RNF150: variants seen among roughly 807,000 people sequenced by gnomAD.
The protein encoded by RNF150 is ring finger protein 150.
RNF150 carries 24 observed loss-of-function variants against 39.3 expected under a neutral mutation model. That is an observed-to-expected ratio of 0.61 (90% CI 0.44 to 0.86). The LOEUF (loss-of-function observed/expected upper bound fraction) is 0.86. Among genes scored for constraint, RNF150 ranks in the 40% least tolerant of loss-of-function variants. The pLI is 0.00. For missense variants in RNF150, 502 were observed against 587.8 expected (o/e 0.85, Z 1.51); for synonymous variants, 255 against 227.3 (o/e 1.12, Z -1.10).
intron 1 of RNF150, among the ~76,000 whole-genome samples, chr4:141,054,677 A>G (rs559782918): frequency 5.3e-4 from 81 of 152,244 alleles, no homozygotes; most frequent in African/African-American, 1.8e-3. Flanking sequence ...GCTGATGGTA[A>G]AGACATAAAT....
chr4:140,964,059 T>C (rs1184408716), intron 2 of RNF150, among the ~76,000 whole-genome samples: 1 of 152,148 alleles, frequency 6.6e-6, no homozygotes, highest in Non-Finnish European at 1.5e-5. Context: ...TAGTTTATTC[T>C]GGAGATTCCA....
In RNF150 at chr4:140,863,977, T is replaced by C. The variant is rs1267077452; in HGVS notation, c.*4284A>G. On this transcript the variant is annotated 3_prime_UTR_variant, in exon 7 of 7. Transcript: ENST00000515673. ...TAGATCACTGGCATTGATTTGGTTT[T>C]GAGAGTATGGTAGCCTCAGGGATGT... The C allele has an allele frequency of 6.6e-6, 1 of 152,226 alleles. No individual in the cohort carries two copies. The highest frequency in any genetic ancestry group is 2.4e-5 in the African/African-American group (1 of 41,464). The allele number at this position is 152,226 out of a possible 1,614,324, so 9.4% of individuals were successfully genotyped here.
intron 1 of RNF150, among the ~76,000 whole-genome samples, chr4:140,995,175 A>G (rs987492580): frequency 6.6e-6 from 1 of 152,056 alleles, no homozygotes; most frequent in Non-Finnish European, 1.5e-5. Flanking sequence ...TCTACTCTCT[A>G]TCTATGATAA....
intron 1 of RNF150, among the ~76,000 whole-genome samples, chr4:141,032,970 AG>A (rs1217311877): frequency 6.6e-6 from 1 of 152,178 alleles, no homozygotes; most frequent in Non-Finnish European, 1.5e-5. Flanking sequence ...CTTGATGTTG[AG>A]GGCTGCCGAC....
chr4:141,188,228 A>T (rs1027598767), intron 1 of RNF150, among the ~76,000 whole-genome samples: 1 of 152,146 alleles, frequency 6.6e-6, no homozygotes, highest in Admixed American at 6.5e-5. Flanking sequence ...TGTGAGTCTG[A>T]TGGGCTTCCC....
At chr4:140,962,065 T>TTCTCTC (rs70946717) in intron 2 of RNF150, among the ~76,000 whole-genome samples, 17 of 149,188 alleles carry the variant, frequency 1.1e-4, no homozygotes, top group South Asian at 6.4e-4. Flanking sequence ...TCTCTCTCTC[T>TTCTCTC]TCTCTCTCTC....
chr4:141,175,567 T>C (rs1177677007), intron 1 of RNF150, among the ~76,000 whole-genome samples: 1 of 152,188 alleles, frequency 6.6e-6, no homozygotes, highest in Non-Finnish European at 1.5e-5. Context: ...TGCTGGGGTC[T>C]AAGAGGGCCT....
At chr4:141,028,013 T>C (rs1221450356) in intron 1 of RNF150, among the ~76,000 whole-genome samples, 1 of 131,236 alleles carries the variant, frequency 7.6e-6, no homozygotes, top group African/African-American at 2.8e-5. Context: ...AACTTAAAGC[T>C]AGGATATAGC....
At chr4:141,101,264 T>C (rs1222020462) in intron 1 of RNF150, among the ~76,000 whole-genome samples, 1 of 152,234 alleles carries the variant, frequency 6.6e-6, no homozygotes, top group Non-Finnish European at 1.5e-5. Context: ...AAAAATATTT[T>C]CTTAATATCC....
chr4:140,939,499 T>A (rs1264081671), intron 4 of RNF150, among the ~76,000 whole-genome samples: 1 of 152,100 alleles, frequency 6.6e-6, no homozygotes, highest in African/African-American at 2.4e-5. Flanking sequence ...GTTATCTATT[T>A]AGAATGGAGC....
intron 1 of RNF150, among the ~76,000 whole-genome samples, chr4:140,982,822 G>A (rs1256399980): frequency 3.3e-5 from 5 of 152,070 alleles, no homozygotes; most frequent in African/African-American, 4.8e-5. Flanking sequence ...ACATCCCAGC[G>A]GTGATTCTGT....
chr4:140,882,577 CAT>C (rs1195266235), intron 6 of RNF150, among the ~76,000 whole-genome samples: 1 of 152,042 alleles, frequency 6.6e-6, no homozygotes, highest in Non-Finnish European at 1.5e-5. Context: ...AAATTCTGTA[CAT>C]GTTTACTTCA....
Position 141,132,701 on chromosome 4 carries a change from C to T in RNF150, c.108G>A (p.Lys36=). The change falls in exon 1 of 7, where the codon AAG becomes AAA. Residue 36 remains lysine (K), a synonymous_variant. Coordinates refer to ENST00000515673, the MANE Select transcript of RNF150 (RefSeq NM_020724.2). The surrounding 1 kb of genome is among the most constrained non-coding windows in gnomAD (Gnocchi z 4.9). ...LLCLDFTVAE[K]EEWYTAFVNI... ...TCACGAAGGCGGTGTACCATTCCTC[C>T]TTCTCGGCCACGGTAAAGTCCAGGC... 2 of 1,609,756 alleles carry T rather than the reference C, an allele frequency of 1.2e-6. No individual in the cohort carries two copies. The highest frequency in any genetic ancestry group is 8.5e-7 in the Non-Finnish European group (1 of 1,178,368).
chr4:140,909,649 G>A (rs1160004740), intron 6 of RNF150, among the ~76,000 whole-genome samples: 4 of 152,030 alleles, frequency 2.6e-5, no homozygotes, highest in Non-Finnish European at 4.4e-5. Flanking sequence ...TAATGTTTTA[G>A]TGTAGCCATA....
chr4:141,097,937 T>TA (rs1326503932), intron 1 of RNF150, among the ~76,000 whole-genome samples: 4 of 152,278 alleles, frequency 2.6e-5, no homozygotes, highest in Non-Finnish European at 5.9e-5. Flanking sequence ...ATTCAACTAG[T>TA]AAAAGCTGCC....
chr4:140,916,208 G>A (rs1451051351), intron 5 of RNF150, among the ~76,000 whole-genome samples: 1 of 152,214 alleles, frequency 6.6e-6, no homozygotes, highest in Non-Finnish European at 1.5e-5. Flanking sequence ...TGACTTTGAC[G>A]AGTTGAGAGA....
intron 6 of RNF150, among the ~76,000 whole-genome samples, chr4:140,898,861 T>TGTAA (rs955711564): frequency 3.6e-4 from 55 of 152,252 alleles, no homozygotes; most frequent in African/African-American, 1.3e-3. Context: ...ACAGCAGGAG[T>TGTAA]GTAAGTGCAG....
intron 1 of RNF150, among the ~76,000 whole-genome samples, chr4:141,024,761 A>C (rs138556834): frequency 1.4e-3 from 216 of 152,290 alleles, no homozygotes; most frequent in African/African-American, 4.8e-3. Flanking sequence ...GGAGGTGCTG[A>C]CCAGAAGTAC....
At position 141,057,256 on chromosome 4, in the gene RNF150, T is replaced by TTCA. The variant is rs1421231046; in HGVS notation, c.484+75068_484+75069insTGA. On this transcript the variant is annotated intron_variant, in intron 1 of 6. Transcript: ENST00000515673. ...TGTTAATTCTTATTTTTTAAAATTA[T>TTCA]ATTTATGTAATAGGTTATATCTAAA... Among the ~76,000 whole-genome samples the TTCA allele has an allele frequency of 2.6e-5, 4 of 152,032 alleles. No homozygotes were observed. The East Asian group carries it at 7.7e-4, about 29-fold the overall frequency.
Sources: gnomAD v4.1 joint callset for allele counts (sites outside exome capture counted in the v4.1 genomes callset) on GRCh38, gnomAD v4.1.1 for gene constraint, Gnocchi (gnomAD v3.1) non-coding constraint, MANE v1.5 for transcripts, NCBI Gene and HGNC (gene_info 2026-07-23, HGNC 2026-07-21) for gene names.